The following OTOG variants were observed in gnomAD, a reference collection of about 807,000 sequenced individuals.
OTOG encodes otogelin.
In OTOG, 296 loss-of-function variants were observed where a neutral mutation model predicts 313.8. The observed-to-expected ratio is 0.94, with a 90% CI of 0.86 to 1.04. The LOEUF is 1.04. Among genes scored for constraint, OTOG ranks in the 50% least tolerant of loss-of-function variants. The pLI is 0.00. For missense variants in OTOG, 3,948 were observed against 3,840.1 expected (o/e 1.03, Z -0.74); for synonymous variants, 1,533 against 1,554.9 (o/e 0.99, Z 0.33).
Position 17,641,045 on chromosome 11 carries a change from A to G in OTOG, c.8144A>G (p.Tyr2715Cys), listed in dbSNP as rs1847960410. The change falls in exon 51 of 56, where the codon TAC becomes TGC. Residue 2715 changes from tyrosine (Y) to cysteine (C), a missense_variant. Physicochemically the swap from Tyr to Cys is radical, Grantham distance 194. Coordinates refer to ENST00000399397, the MANE Select transcript of OTOG (RefSeq NM_001292063.2). Reference sequence around the variant, plus strand: ...GTGCTCGACCCTCTCACCAACTTCTACCAGATCAACACCACCTCCGTGCTC... The same window carrying G: ...GTGCTCGACCCTCTCACCAACTTCTGCCAGATCAACACCACCTCCGTGCTC... ...TTVLDPLTNF[Y>C]QINTTSVLCD... 1 of 1,365,762 alleles carries G rather than the reference A, an allele frequency of 7.3e-7. No homozygotes were observed. Among genetic ancestry groups the G allele is most frequent in the African/African-American group, 1.6e-5 (1 of 63,664 alleles). 84.6% of individuals were successfully genotyped at this position (1,365,762 alleles called of 1,614,324 possible). A position where few individuals can be genotyped will look rare whatever the true frequency, so the allele number is the denominator to read the frequency against.
At chr11:17,552,163 C>T (rs1186653505) in intron 4 of OTOG, 88 bp downstream of exon 4, 1 of 1,293,596 alleles carries the variant, frequency 7.7e-7, no homozygotes, top group Non-Finnish European at 1.1e-6. Context: ...GTGGGGCTTC[C>T]CTCAGGCCTC....
chr11:17,557,038 G>T, intron 7 of OTOG, 80 bp from the exon 8 acceptor site: 1 of 1,368,460 alleles, frequency 7.3e-7, no homozygotes, highest in Non-Finnish European at 1.0e-6. Context: ...ATGGGGTAGG[G>T]ACTGGCTGTT....
chr11:17,637,395 G>T (rs1854292765), intron 47 of OTOG, among the ~76,000 whole-genome samples: 2 of 152,048 alleles, frequency 1.3e-5, no homozygotes, highest in African/African-American at 2.4e-5. Flanking sequence ...TCCTAGCACA[G>T]GTCCCTTTTC....
chr11:17,631,951 G>A (rs1210411544), intron 41 of OTOG, 29 bp downstream of exon 41: 12 of 1,547,244 alleles, frequency 7.8e-6, no homozygotes, highest in Non-Finnish European at 1.0e-5. Flanking sequence ...CAGCACTGGG[G>A]ACACCTCCTG....
At chr11:17,575,501 G>A (rs1171909927) in intron 20 of OTOG, among the ~76,000 whole-genome samples, 2 of 152,172 alleles carry the variant, frequency 1.3e-5, no homozygotes, top group African/African-American at 4.8e-5. Context: ...AGGAAGAGGG[G>A]GTGGCTCAAG....
At chr11:17,638,160 C>G (rs1160894262) in intron 47 of OTOG, among the ~76,000 whole-genome samples, 1 of 152,210 alleles carries the variant, frequency 6.6e-6, no homozygotes, top group African/African-American at 2.4e-5. Flanking sequence ...ATGGCTGGCT[C>G]TCCCTGGACC....
chr11:17,551,222 C>T (rs1045325976), intron 3 of OTOG, among the ~76,000 whole-genome samples: 7 of 152,128 alleles, frequency 4.6e-5, no homozygotes, highest in Admixed American at 1.3e-4. Flanking sequence ...CCCAGGATGC[C>T]GGTTCCAGGT....
At chr11:17,614,390 A>G (rs1386782284) in intron 39 of OTOG, among the ~76,000 whole-genome samples, 2 of 152,224 alleles carry the variant, frequency 1.3e-5, no homozygotes, top group Admixed American at 6.5e-5. Flanking sequence ...AGGCTTGAAC[A>G]GAAAACTCCC....
At chr11:17,578,834 G>A (rs1271325339) in intron 23 of OTOG, among the ~76,000 whole-genome samples, 6 of 152,234 alleles carry the variant, frequency 3.9e-5, no homozygotes, top group African/African-American at 1.4e-4. Flanking sequence ...GAAGCACTGA[G>A]TGGGGTGTCT....
At chr11:17,588,391 T>C (rs1852854433) in intron 24 of OTOG, among the ~76,000 whole-genome samples, 1 of 152,114 alleles carries the variant, frequency 6.6e-6, no homozygotes, top group African/African-American at 2.4e-5. Flanking sequence ...TGGCTACCCA[T>C]CCCTTCCCAG....
chr11:17,562,043 A>AT (rs1852199237), intron 15 of OTOG, among the ~76,000 whole-genome samples: 2 of 122,114 alleles, frequency 1.6e-5, no homozygotes, highest in East Asian at 4.2e-4. Context: ...TACCTAAAAA[A>AT]AAAATATATA....
At chr11:17,563,224 AC>A (rs1182593013) in intron 15 of OTOG, among the ~76,000 whole-genome samples, 9 of 152,174 alleles carry the variant, frequency 5.9e-5, no homozygotes, top group African/African-American at 1.9e-4. Flanking sequence ...TGCTCAGCCA[AC>A]CCTGGAAGCC....
chr11:17,561,259 G>A (rs1019018880), intron 14 of OTOG, 122 bp downstream of exon 14: 40 of 1,138,342 alleles, frequency 3.5e-5, no homozygotes, highest in African/African-American at 6.2e-5. Context: ...CATTGGCTAC[G>A]CCCCGACCCC....
Position 17,632,091 on chromosome 11 carries a change from C to G in OTOG, c.6937C>G (p.Pro2313Ala). 6.4e-7 allele frequency: 1 copy of G among 1,550,856 alleles called. No homozygotes were observed. The change falls in exon 42 of 56, where the codon CCT becomes GCT. Residue 2313 changes from proline (P) to alanine (A), a missense_variant. Transcript: ENST00000399397. ...ACTGCCTGATGCATATGTCCAGGTG[C>G]CTCCGGAGTCATTCTGTGAGCTGTG... ...RTFSACHRFV[P>A]PESFCELWIR...
At chr11:17,597,746 G>T (rs4543971) in intron 30 of OTOG, among the ~76,000 whole-genome samples, 1 of 151,996 alleles carries the variant, frequency 6.6e-6, no homozygotes, top group African/African-American at 2.4e-5. Flanking sequence ...TTATTCCCAC[G>T]CACCAAAGGA....
intron 40 of OTOG, among the ~76,000 whole-genome samples, chr11:17,631,426 C>CATATAT (rs35706066): frequency 6.7e-6 from 1 of 149,102 alleles, no homozygotes; most frequent in African/African-American, 2.5e-5. Flanking sequence ...ACATGCAATA[C>CATATAT]ATATATATAT....
At position 17,610,092 on chromosome 11, in the gene OTOG, A is replaced by G; in HGVS notation, c.4792A>G (p.Ser1598Gly). 1 of 1,550,552 alleles carries G rather than the reference A, an allele frequency of 6.4e-7. No homozygotes were observed. ...TTRVTVIFAGSPNITVSSRSP... is the reference protein window; with the variant it reads ...TTRVTVIFAGGPNITVSSRSP... ...AAGGGTGACTGTGATCTTTGCAGGAAGCCCTAACATCACAGTCTCCTCCCG... is the reference window on the plus strand; with the variant it reads ...AAGGGTGACTGTGATCTTTGCAGGAGGCCCTAACATCACAGTCTCCTCCCG... The change falls in exon 36 of 56, where the codon AGC becomes GGC. Residue 1598 changes from serine (S) to glycine (G), a missense_variant. Coordinates refer to ENST00000399397, the MANE Select transcript of OTOG (RefSeq NM_001292063.2).
At chr11:17,643,686 G>C (rs1443586977) in intron 54 of OTOG, among the ~76,000 whole-genome samples, 180 bp downstream of exon 54, 1 of 152,236 alleles carries the variant, frequency 6.6e-6, no homozygotes, top group Non-Finnish European at 1.5e-5. Flanking sequence ...CAAATATGCA[G>C]ATGGCTGGAG....
chr11:17,553,228 C>T lies in OTOG; in HGVS notation c.385+17C>T. ...GCCAGATGGGTGGGTCTGGGCTCCACCCCACCCCCAGGAAGGGACCTGGGT... is the reference window on the plus strand; with the variant it reads ...GCCAGATGGGTGGGTCTGGGCTCCATCCCACCCCCAGGAAGGGACCTGGGT... On this transcript the variant is annotated intron_variant, in intron 5 of 55. Coordinates refer to ENST00000399397, the MANE Select transcript of OTOG (RefSeq NM_001292063.2). 2 of 1,549,448 alleles carry T rather than the reference C, an allele frequency of 1.3e-6. No homozygotes were observed. The highest frequency in any genetic ancestry group is 1.4e-5 in the African/African-American group (1 of 73,170).
Sources: gnomAD v4.1 joint callset for allele counts (sites outside exome capture counted in the v4.1 genomes callset) on GRCh38, gnomAD v4.1.1 for gene constraint, MANE v1.5 for transcripts, NCBI Gene and HGNC (gene_info 2026-07-23, HGNC 2026-07-21) for gene names.